Variants in DLG1 observed in about 807,000 individuals in gnomAD.
DLG1 encodes the protein disks large homolog 1.
In DLG1, 42 loss-of-function variants were observed where a neutral mutation model predicts 123.4. That is an observed-to-expected ratio of 0.34 (90% CI 0.27 to 0.44). DLG1 has a LOEUF of 0.44. Among genes scored for constraint, DLG1 ranks in the 20% least tolerant of loss-of-function variants. The pLI is 1.00. For synonymous variants in DLG1, 317 were observed against 356.2 expected, an observed-to-expected ratio of 0.89 and a Z score of 1.24; for missense variants, 942 against 1,082.6, an observed-to-expected ratio of 0.87 and a Z score of 1.82.
rs1274687621 is a variant in DLG1 at position 197,131,594 on chromosome 3, T to C, written c.1021-923A>G. ...TTTATTTCTTCCTTTCTTTTTTTTT[T>C]TTTTTTTTTTTTTTTTTGAGACGGA... On this transcript the variant is annotated intron_variant, in intron 10 of 24. Coordinates refer to ENST00000667157, the MANE Select transcript of DLG1 (RefSeq NM_001366207.1). Among the ~76,000 whole-genome samples the C allele has an allele frequency of 4.8e-5, 6 of 124,664 alleles. No homozygotes were observed. The East Asian group carries it at 1.1e-3, about 23-fold the overall frequency. The allele number at this position is 124,664 out of a possible 152,430, so 81.8% of individuals were successfully genotyped here.
At chr3:197,271,664 G>C (rs968215307) in intron 4 of DLG1, among the ~76,000 whole-genome samples, 2 of 152,120 alleles carry the variant, frequency 1.3e-5, no homozygotes, top group South Asian at 4.2e-4. Flanking sequence ...AAAATAGACT[G>C]GGGACAATTT....
chr3:197,151,964 G>A (rs1271608355), intron 5 of DLG1, among the ~76,000 whole-genome samples: 1 of 152,134 alleles, frequency 6.6e-6, no homozygotes, highest in Admixed American at 6.5e-5. Context: ...CCCTTTTACT[G>A]CCTCTACCCC....
In DLG1 at chr3:197,211,160, C is replaced by T. The variant is rs538547757; in HGVS notation, c.319-16571G>A. Among the ~76,000 whole-genome samples, 3 of 146,014 alleles carry T rather than the reference C, an allele frequency of 2.1e-5. 1 individual carries two copies. Among genetic ancestry groups the T allele is most frequent in the Admixed American group, 6.9e-5 (1 of 14,470 alleles). ...TCAGCAAACTAAAAATCCAGAGGAA[C>T]GATCTAAATCTGATAAAGGGCATTT... On this transcript the variant is annotated intron_variant, in intron 4 of 24. Coordinates refer to ENST00000667157, the MANE Select transcript of DLG1 (RefSeq NM_001366207.1).
chr3:197,231,055 T>C (rs1246111352), intron 4 of DLG1, among the ~76,000 whole-genome samples: 1 of 151,964 alleles, frequency 6.6e-6, no homozygotes, highest in Non-Finnish European at 1.5e-5. Flanking sequence ...GAACATTCAC[T>C]GATAATTTCA....
At chr3:197,242,568 T>C (rs534615666) in intron 4 of DLG1, among the ~76,000 whole-genome samples, 1 of 148,298 alleles carries the variant, frequency 6.7e-6, no homozygotes, top group African/African-American at 2.5e-5. Context: ...AAAAAAAAAA[T>C]AGAAATCATA....
intron 15 of DLG1, among the ~76,000 whole-genome samples, chr3:197,087,537 A>T (rs1323091813): frequency 6.6e-6 from 1 of 152,160 alleles, no homozygotes; most frequent in Non-Finnish European, 1.5e-5. Flanking sequence ...GAGGCTTCTG[A>T]TTAACTATAG....
chr3:197,193,676 T>G (rs1561375008), intron 5 of DLG1, among the ~76,000 whole-genome samples: 2 of 152,162 alleles, frequency 1.3e-5, no homozygotes, highest in Non-Finnish European at 2.9e-5. Flanking sequence ...GTCCAAAATA[T>G]GCAAAACAAT....
chr3:197,076,058 CA>C (rs1427482553), intron 18 of DLG1, among the ~76,000 whole-genome samples: 2 of 152,172 alleles, frequency 1.3e-5, no homozygotes, highest in African/African-American at 2.4e-5. Context: ...TGTAATCTAC[CA>C]AAAGAATGAA....
rs1390624634 is a variant in DLG1 at position 197,283,666 on chromosome 3, AC to A, written c.152-822del. ...ATTCACCACGCTTAATTCCTTATTC[AC>A]CAACTTGTATAATTTTGGATAAGGG... is the stretch of plus-strand genomic sequence containing the variant. On this transcript the variant is annotated intron_variant, in intron 3 of 24. Coordinates refer to ENST00000667157, the MANE Select transcript of DLG1 (RefSeq NM_001366207.1). 9.9e-5 allele frequency among the ~76,000 whole-genome samples: 15 copies of A among 152,174 alleles called. 1 individual carries two copies. The highest frequency in any genetic ancestry group is 1.8e-4 in the Non-Finnish European group (12 of 68,028).
At chr3:197,228,140 T>C (rs1455548121) in intron 4 of DLG1, among the ~76,000 whole-genome samples, 2 of 152,256 alleles carry the variant, frequency 1.3e-5, no homozygotes. Flanking sequence ...TACTGGTGTT[T>C]ATCTATAACA....
At chr3:197,067,482 A>G (rs1484159551) in intron 19 of DLG1, among the ~76,000 whole-genome samples, 1 of 151,984 alleles carries the variant, frequency 6.6e-6, no homozygotes, top group East Asian at 1.9e-4. Flanking sequence ...CTCTAAATAA[A>G]AGAGTCTACA....
intron 4 of DLG1, among the ~76,000 whole-genome samples, chr3:197,205,096 G>C (rs1400265892): frequency 6.6e-6 from 1 of 152,078 alleles, no homozygotes; most frequent in Non-Finnish European, 1.5e-5. Context: ...ATATGATAAA[G>C]CTATACATGT....
At chr3:197,216,436 G>A (rs1734159175) in intron 4 of DLG1, among the ~76,000 whole-genome samples, 1 of 152,248 alleles carries the variant, frequency 6.6e-6, no homozygotes, top group African/African-American at 2.4e-5. Flanking sequence ...AATCAGCAAA[G>A]AAAAAAGGCA....
chr3:197,045,795 TTAAA>T (rs1221530184), intron 24 of DLG1, among the ~76,000 whole-genome samples: 1 of 152,114 alleles, frequency 6.6e-6, no homozygotes, highest in Non-Finnish European at 1.5e-5. Context: ...GAATTGCAAA[TTAAA>T]TAAGTCACTT....
chr3:197,061,516 A>G (rs1735801779), intron 22 of DLG1, among the ~76,000 whole-genome samples: 1 of 152,254 alleles, frequency 6.6e-6, no homozygotes, highest in Non-Finnish European at 1.5e-5. Context: ...GATCGAATTC[A>G]GGATCATAGG....
At chr3:197,205,102 C>T (rs1467259279) in intron 4 of DLG1, among the ~76,000 whole-genome samples, 1 of 152,086 alleles carries the variant, frequency 6.6e-6, no homozygotes, top group Non-Finnish European at 1.5e-5. Flanking sequence ...TAAAGCTATA[C>T]ATGTGAAAAA....
At chr3:197,148,834 A>G (rs1293237826) in intron 6 of DLG1, among the ~76,000 whole-genome samples, 1 of 152,224 alleles carries the variant, frequency 6.6e-6, no homozygotes, top group Non-Finnish European at 1.5e-5. Context: ...TTTAGACTCA[A>G]TCATTATCAC....
At chr3:197,117,887 C>A (rs1359784099) in intron 12 of DLG1, among the ~76,000 whole-genome samples, 1 of 151,962 alleles carries the variant, frequency 6.6e-6, no homozygotes, top group Non-Finnish European at 1.5e-5. Context: ...ATACTTTAAA[C>A]AGGTGAAATT....
rs1259605892 is a variant in DLG1, at chr3:197,189,758, A to C, written c.483+4667T>G. Among the ~76,000 whole-genome samples the C allele has an allele frequency of 2.6e-5, 4 of 152,256 alleles. No individual in the cohort carries two copies. The East Asian group carries it at 5.8e-4, about 22-fold the overall frequency. The stretch of plus-strand genomic sequence containing the variant: ...TGATTATCATAATATCCTAAGACTC[A>C]GGAAAGCATGCTGGTACTTTCTTGA... On this transcript the variant is annotated intron_variant, in intron 5 of 24. Transcript: ENST00000667157.
Sources: allele counts gnomAD v4.1 joint callset (sites outside exome capture counted in the v4.1 genomes callset), GRCh38; gene constraint gnomAD v4.1.1; transcripts MANE v1.5; gene names NCBI Gene and HGNC (gene_info 2026-07-23, HGNC 2026-07-21).